DENND5B: variants seen among roughly 807,000 people sequenced by gnomAD.
DENND5B encodes the protein DENN domain-containing protein 5B.
In DENND5B, 34 loss-of-function variants were observed where a neutral mutation model predicts 140.6. That is an observed-to-expected ratio of 0.24 (90% CI 0.18 to 0.32). The LOEUF (loss-of-function observed/expected upper bound fraction) is 0.32. Among genes scored for constraint, DENND5B ranks in the 10% least tolerant of loss-of-function variants. The pLI is 1.00. For synonymous variants in DENND5B, 551 were observed against 562.1 expected (o/e 0.98, Z 0.28); for missense variants, 1,142 against 1,560.2 (o/e 0.73, Z 4.52).
rs542192021 is a variant in DENND5B at position 31,446,735 on chromosome 12, A to T, written c.1861+803T>A. 1.8e-4 allele frequency among the ~76,000 whole-genome samples: 28 copies of T among 151,844 alleles called. No individual in the cohort carries two copies. The South Asian group carries it at 3.8e-3, about 20-fold the overall frequency. ...ACAGTGAAACCCCGTCTCTACTGAA[A>T]ATTCAAAAAATTAGCCGGGTGTGGT... On this transcript the variant is annotated intron_variant, in intron 6 of 20. Transcript: ENST00000389082.
At chr12:31,461,518 T>C (rs995478240) in intron 3 of DENND5B, among the ~76,000 whole-genome samples, 3 of 152,192 alleles carry the variant, frequency 2.0e-5, no homozygotes, top group Non-Finnish European at 4.4e-5. Flanking sequence ...TGGAAGTAGA[T>C]ATGCTTTAGA....
At chr12:31,431,440 G>C (rs1943505408) in intron 8 of DENND5B, among the ~76,000 whole-genome samples, 1 of 152,172 alleles carries the variant, frequency 6.6e-6, no homozygotes, top group Non-Finnish European at 1.5e-5. Flanking sequence ...TATTGGCCTA[G>C]AAGTCAGGAG....
At chr12:31,404,754 T>C (rs1593074494) in intron 14 of DENND5B, among the ~76,000 whole-genome samples, 3 of 103,526 alleles carry the variant, frequency 2.9e-5, no homozygotes, top group Admixed American at 1.2e-4. Flanking sequence ...GCGTCCGACC[T>C]CTAGCTTTTT....
chr12:31,503,624 G>C (rs1460953063), intron 1 of DENND5B, among the ~76,000 whole-genome samples: 1 of 152,100 alleles, frequency 6.6e-6, no homozygotes. Context: ...CCATTAACTG[G>C]TCTAACAATT....
At chr12:31,472,483 G>A (rs1421993727) in intron 3 of DENND5B, among the ~76,000 whole-genome samples, 1 of 152,040 alleles carries the variant, frequency 6.6e-6, no homozygotes, top group African/African-American at 2.4e-5. Flanking sequence ...GTAGAGACAG[G>A]GTTTCCCTAT....
chr12:31,582,630 C>G (rs979776246), intron 1 of DENND5B, among the ~76,000 whole-genome samples: 1 of 152,042 alleles, frequency 6.6e-6, no homozygotes, highest in Non-Finnish European at 1.5e-5. Flanking sequence ...AAATCTAAAT[C>G]TGTGATGAAT....
At chr12:31,410,292 G>T (rs143955516) in intron 13 of DENND5B, among the ~76,000 whole-genome samples, 3 of 152,160 alleles carry the variant, frequency 2.0e-5, no homozygotes, top group Admixed American at 6.5e-5. Context: ...ATGGGGCAAA[G>T]ATTTCATTAA....
chr12:31,571,905 A>C (rs1228086396), intron 1 of DENND5B, among the ~76,000 whole-genome samples: 2 of 152,174 alleles, frequency 1.3e-5, no homozygotes, highest in African/African-American at 2.4e-5. Flanking sequence ...CACCGTACCC[A>C]GCCAAAAGCT....
At chr12:31,427,276 CAT>C (rs1349387051) in intron 8 of DENND5B, among the ~76,000 whole-genome samples, 1 of 152,092 alleles carries the variant, frequency 6.6e-6, no homozygotes, top group Non-Finnish European at 1.5e-5. Context: ...TAGTGCAAGA[CAT>C]GTGCTCTCTC....
chr12:31,383,873 T>C lies in DENND5B; in HGVS notation c.*3730A>G, dbSNP rs1466437050. The C allele has an allele frequency of 6.6e-6, 1 of 152,202 alleles. No homozygotes were observed. The highest frequency in any genetic ancestry group is 1.9e-4 in the East Asian group (1 of 5,206). 9.4% of individuals were successfully genotyped at this position (152,202 alleles called of 1,614,324 possible). On this transcript the variant is annotated 3_prime_UTR_variant, in exon 21 of 21. Transcript: ENST00000389082. ...TAAATTTTTCAAGAGGTAATACTTT[T>C]GGCAATTTAATTTTAAAACAACTTC...
At chr12:31,586,369 G>A (rs1277934112) in intron 1 of DENND5B, among the ~76,000 whole-genome samples, 1 of 152,096 alleles carries the variant, frequency 6.6e-6, no homozygotes, top group East Asian at 1.9e-4. Context: ...AGTACCTCTT[G>A]AAAATATACA....
At chr12:31,429,611 G>C (rs917607391) in intron 8 of DENND5B, among the ~76,000 whole-genome samples, 3 of 151,940 alleles carry the variant, frequency 2.0e-5, no homozygotes, top group Non-Finnish European at 4.4e-5. Flanking sequence ...GTTTCGCCAT[G>C]TTGGCCAGGC....
At chr12:31,548,955 G>C (rs552639094) in intron 1 of DENND5B, among the ~76,000 whole-genome samples, 5 of 152,098 alleles carry the variant, frequency 3.3e-5, no homozygotes, top group Non-Finnish European at 7.3e-5. Flanking sequence ...GGGTGCAGTG[G>C]TACGATCATA....
At position 31,487,204 on chromosome 12, in the gene DENND5B, T is replaced by C. The variant is rs117713486; in HGVS notation, c.238-6949A>G. Among the ~76,000 whole-genome samples the C allele has an allele frequency of 4.4e-3, 665 of 152,312 alleles. 2 individuals are homozygous for C. Among genetic ancestry groups the C allele is most frequent in the Non-Finnish European group, 6.1e-3 (417 of 68,020 alleles). On this transcript the variant is annotated intron_variant, in intron 2 of 20. Transcript: ENST00000389082. ...CTTTTACATATTAAATTACTATGTATATTTGGATAGAATGAGATATAGACT... is the reference window on the plus strand; with the variant it reads ...CTTTTACATATTAAATTACTATGTACATTTGGATAGAATGAGATATAGACT...
At chr12:31,529,937 G>C (rs1948224812) in intron 1 of DENND5B, among the ~76,000 whole-genome samples, 1 of 152,050 alleles carries the variant, frequency 6.6e-6, no homozygotes, top group Non-Finnish European at 1.5e-5. Context: ...ACTGCTTCCA[G>C]AAGAAGGATC....
chr12:31,555,383 G>A (rs1207384570), intron 1 of DENND5B, among the ~76,000 whole-genome samples: 2 of 151,966 alleles, frequency 1.3e-5, no homozygotes, highest in Admixed American at 6.6e-5. Flanking sequence ...TTGGTGAACC[G>A]CAGATGCTGC....
At position 31,590,886 on chromosome 12, in the gene DENND5B, G is replaced by A; in HGVS notation, c.-54C>T. On this transcript the variant is annotated 5_prime_UTR_variant, in exon 1 of 21. Coordinates refer to ENST00000389082, the MANE Select transcript of DENND5B (RefSeq NM_144973.4). ...CCGCCGCCGCCCGGGAAGGCTTTCT[G>A]CGGAGGCTGCCACCACCGCTCCGGC... The A allele has an allele frequency of 8.5e-7, 1 of 1,178,934 alleles. No homozygotes were observed. The highest frequency in any genetic ancestry group is 1.0e-6 in the Non-Finnish European group (1 of 956,716). The allele number at this position is 1,178,934 out of a possible 1,614,324, so 73.0% of individuals were successfully genotyped here.
intron 2 of DENND5B, among the ~76,000 whole-genome samples, chr12:31,486,978 A>G (rs1329463347): frequency 6.6e-6 from 1 of 152,208 alleles, no homozygotes; most frequent in African/African-American, 2.4e-5. Flanking sequence ...AAGGGCTAGT[A>G]CTTCATTTCA....
intron 2 of DENND5B, 123 bp downstream of exon 2, chr12:31,495,687 A>C: frequency 1.2e-6 from 1 of 857,212 alleles, no homozygotes; most frequent in Non-Finnish European, 1.7e-6. Flanking sequence ...CACATTTCTT[A>C]TAAAATCACT....
Sources: allele counts gnomAD v4.1 joint callset (sites outside exome capture counted in the v4.1 genomes callset), GRCh38; gene constraint gnomAD v4.1.1; transcripts MANE v1.5; gene names NCBI Gene and HGNC (gene_info 2026-07-23, HGNC 2026-07-21).